CACNA1E: variants seen among roughly 807,000 people sequenced by gnomAD.
The protein encoded by CACNA1E is voltage-dependent R-type calcium channel subunit alpha-1E.
CACNA1E carries 40 observed loss-of-function variants against 259.2 expected under a neutral mutation model. The ratio of observed to expected loss-of-function variants is 0.15; its 90% CI spans 0.12 to 0.20. The LOEUF (loss-of-function observed/expected upper bound fraction) is 0.20, where lower values mean the gene tolerates loss of function less well. CACNA1E is among the 10% of genes least tolerant of loss of function. The pLI, the probability that CACNA1E is intolerant of heterozygous loss-of-function variation, is 1.00. For missense variants in CACNA1E, 1,874 were observed against 3,040.1 expected, an observed-to-expected ratio of 0.62 and a Z score of 9.02; for synonymous variants, 1,104 against 1,138.5, an observed-to-expected ratio of 0.97 and a Z score of 0.61.
chr1:181,615,033 T>A (rs1655083550), intron 6 of CACNA1E, among the ~76,000 whole-genome samples: 1 of 152,200 alleles, frequency 6.6e-6, no homozygotes, highest in Non-Finnish European at 1.5e-5. Flanking sequence ...GGGTTTTGAT[T>A]GGGACTGCAT....
intron 10 of CACNA1E, 31 bp from the exon 11 acceptor site, chr1:181,717,062 A>C (rs763955561): frequency 3.8e-6 from 6 of 1,579,866 alleles, no homozygotes; most frequent in Non-Finnish European, 4.4e-6. Context: ...GATATTTTGC[A>C]GTCTCATTCT....
intron 1 of CACNA1E, among the ~76,000 whole-genome samples, chr1:181,506,800 C>T (rs1665745630): frequency 6.6e-6 from 1 of 151,516 alleles, no homozygotes; most frequent in African/African-American, 2.5e-5. Flanking sequence ...GTTTAAAGAA[C>T]AGGGCTGTAA....
chr1:181,518,827 C>A (rs1157104607), intron 3 of CACNA1E, among the ~76,000 whole-genome samples: 1 of 152,132 alleles, frequency 6.6e-6, no homozygotes, highest in Non-Finnish European at 1.5e-5. Flanking sequence ...CCACCCCCAC[C>A]CATTGACAGA....
chr1:181,410,102 T>C (rs1029539090), intron 1 of CACNA1E, among the ~76,000 whole-genome samples: 2 of 151,864 alleles, frequency 1.3e-5, no homozygotes, highest in African/African-American at 4.8e-5. Context: ...TGCTAAGGCC[T>C]GGGGAGGGAG....
intron 1 of CACNA1E, among the ~76,000 whole-genome samples, chr1:181,325,388 T>G (rs1650687985): frequency 6.6e-6 from 1 of 152,140 alleles, no homozygotes; most frequent in Non-Finnish European, 1.5e-5. Context: ...GAGTGTTTAT[T>G]CACTCACATG....
chr1:181,398,584 G>A (rs1312760871), intron 1 of CACNA1E, among the ~76,000 whole-genome samples: 1 of 152,220 alleles, frequency 6.6e-6, no homozygotes, highest in East Asian at 1.9e-4. Flanking sequence ...CTGATTCAAA[G>A]CGCAGGAACT....
chr1:181,668,625 T>A (rs1648487929), intron 7 of CACNA1E: 1 of 152,190 alleles, frequency 6.6e-6, no homozygotes. Context: ...TGCATGAGAC[T>A]TCTGGTTTTT....
intron 7 of CACNA1E, among the ~76,000 whole-genome samples, chr1:181,703,141 T>C (rs1038406543): frequency 6.6e-6 from 1 of 152,160 alleles, no homozygotes; most frequent in Admixed American, 6.6e-5. Flanking sequence ...GTACCTACCA[T>C]GTAGTAGGCA....
chr1:181,737,847 A>C (rs1656194653), intron 23 of CACNA1E, among the ~76,000 whole-genome samples, 193 bp downstream of exon 23: 1 of 152,186 alleles, frequency 6.6e-6, no homozygotes. Flanking sequence ...ACATACTACA[A>C]GGCTCTGCCC....
intron 1 of CACNA1E, among the ~76,000 whole-genome samples, chr1:181,370,421 C>T (rs551524078): frequency 6.6e-6 from 1 of 152,182 alleles, no homozygotes; most frequent in East Asian, 1.9e-4. Context: ...TCAAGCCTTA[C>T]CCTCCTCCCA....
At chr1:181,349,670 G>A (rs1282428082) in intron 1 of CACNA1E, among the ~76,000 whole-genome samples, 1 of 152,114 alleles carries the variant, frequency 6.6e-6, no homozygotes. Context: ...AGTACTCCAT[G>A]CTGTGTAGGG....
At chr1:181,793,266 T>C (rs1157180497) in intron 44 of CACNA1E, among the ~76,000 whole-genome samples, 2 of 152,254 alleles carry the variant, frequency 1.3e-5, no homozygotes, top group African/African-American at 2.4e-5. Flanking sequence ...AAAACTGGTT[T>C]CTATTTAATT....
chr1:181,798,834 G>A lies in CACNA1E; in HGVS notation c.6942G>A (p.Ter2314=). 6.6e-7 allele frequency: 1 copy of A among 1,510,418 alleles called. No individual in the cohort carries two copies. Among genetic ancestry groups the A allele is most frequent in the Non-Finnish European group, 8.8e-7 (1 of 1,131,912 alleles). 93.6% of individuals were successfully genotyped at this position (1,510,418 alleles called of 1,614,324 possible). A position where few individuals can be genotyped will look rare whatever the true frequency, so the allele number is the denominator to read the frequency against. The change falls in exon 48 of 48, where the codon TAG becomes TAA. Residue 2314 remains the stop codon, a stop_retained_variant. Coordinates refer to ENST00000367573, the MANE Select transcript of CACNA1E (RefSeq NM_001205293.3). This position sits in a 1 kb window ranked among gnomAD's most constrained non-coding sequence, Gnocchi z 4.2. ...ACACGGAAGAAGATGACAAATGCTA[G>A]AGGCTGCTCCCCCCTCCGATGCATG... ...LSDTEEDDKC[*]
chr1:181,780,768 G>A (rs973658818), intron 38 of CACNA1E, among the ~76,000 whole-genome samples: 1 of 152,150 alleles, frequency 6.6e-6, no homozygotes, highest in Non-Finnish European at 1.5e-5. Flanking sequence ...GAGCAGTCTT[G>A]TCCACAGAGC....
chr1:181,414,887 C>T (rs1433253686), intron 2 of CACNA1E, among the ~76,000 whole-genome samples: 2 of 152,226 alleles, frequency 1.3e-5, no homozygotes, highest in Admixed American at 1.3e-4. Flanking sequence ...CATTCTAACT[C>T]TCAAAGTACT....
intron 25 of CACNA1E, among the ~76,000 whole-genome samples, chr1:181,739,525 A>G (rs1656366953): frequency 6.6e-6 from 1 of 152,138 alleles, no homozygotes; most frequent in African/African-American, 2.4e-5. Flanking sequence ...AGAGATGAGT[A>G]AGCATGGGCA....
At chr1:181,781,567 A>C in intron 39 of CACNA1E, 44 bp downstream of exon 39, 2 of 1,003,256 alleles carry the variant, frequency 2.0e-6, no homozygotes, top group Non-Finnish European at 3.1e-6. Flanking sequence ...ACCAACAGGA[A>C]ATGGGATCTA....
At chr1:181,507,627 C>G (rs1665820659) in intron 1 of CACNA1E, among the ~76,000 whole-genome samples, 1 of 152,140 alleles carries the variant, frequency 6.6e-6, no homozygotes, top group Non-Finnish European at 1.5e-5. Flanking sequence ...GCTGCCAGGA[C>G]CTGTCTTGCC....
intron 2 of CACNA1E, among the ~76,000 whole-genome samples, chr1:181,449,042 A>T (rs1479585279): frequency 6.6e-6 from 1 of 152,224 alleles, no homozygotes; most frequent in Non-Finnish European, 1.5e-5. Flanking sequence ...GCAAGGAGAT[A>T]GGATGGGGCA....
Sources: gnomAD v4.1 joint callset for allele counts (sites outside exome capture counted in the v4.1 genomes callset) on GRCh38, gnomAD v4.1.1 for gene constraint, Gnocchi (gnomAD v3.1) non-coding constraint, MANE v1.5 for transcripts, NCBI Gene and HGNC (gene_info 2026-07-23, HGNC 2026-07-21) for gene names.